Variants in C9 observed in about 807,000 individuals in gnomAD.
The protein encoded by C9 is complement component C9.
A neutral mutation model predicts 65.4 loss-of-function variants in C9; 63 were observed. The observed-to-expected ratio is 0.96, with a 90% CI of 0.79 to 1.19. The LOEUF is 1.19. Ranked by LOEUF, C9 falls within the 50% of genes most tolerant of loss-of-function variation. The pLI, the probability that C9 is intolerant of heterozygous loss-of-function variation, is 0.00. For missense variants in C9, 744 were observed against 670.1 expected (o/e 1.11, Z -1.22); for synonymous variants, 229 against 227.9 (o/e 1.00, Z -0.04).
intron 5 of C9, among the ~76,000 whole-genome samples, chr5:39,316,714 A>G (rs745569574): frequency 4.3e-4 from 65 of 152,122 alleles, no homozygotes; most frequent in Admixed American, 9.8e-4. Context: ...TCCATGGTGT[A>G]TATGTACCAC....
intron 10 of C9, 109 bp downstream of exon 10, chr5:39,288,614 T>G (rs1753033637): frequency 1.5e-6 from 1 of 688,700 alleles, no homozygotes; most frequent in South Asian, 1.6e-5. Flanking sequence ...TCTGTTTATA[T>G]AAATAATCTA....
chr5:39,307,296 A>C (rs1280742841), intron 8 of C9, among the ~76,000 whole-genome samples: 1 of 152,180 alleles, frequency 6.6e-6, no homozygotes, highest in Non-Finnish European at 1.5e-5. Flanking sequence ...AGCCACTTTT[A>C]ACAAAACTTT....
At chr5:39,295,421 G>C (rs537636792) in intron 9 of C9, among the ~76,000 whole-genome samples, 156 of 151,200 alleles carry the variant, frequency 1.0e-3, no homozygotes, top group Non-Finnish European at 1.9e-3. Context: ...CAACAAACTA[G>C]GCCAAAAAAG....
chr5:39,285,108 A>G lies in C9; in HGVS notation c.*91T>C. The G allele has an allele frequency of 2.0e-6, 2 of 1,022,546 alleles. No homozygotes were observed. The highest frequency in any genetic ancestry group is 3.1e-6 in the Non-Finnish European group (2 of 641,038). 63.3% of individuals were successfully genotyped at this position (1,022,546 alleles called of 1,614,324 possible). ...TAGGATTTTCATGAAGCATGTTGCTATTTACTTGGCAGCTAAGATTATCTT... is the reference window on the plus strand; with the variant it reads ...TAGGATTTTCATGAAGCATGTTGCTGTTTACTTGGCAGCTAAGATTATCTT... On this transcript the variant is annotated 3_prime_UTR_variant, in exon 11 of 11. Transcript: ENST00000263408.
intron 5 of C9, among the ~76,000 whole-genome samples, chr5:39,327,546 A>G (rs1397784735): frequency 6.6e-6 from 1 of 152,186 alleles, no homozygotes; most frequent in Non-Finnish European, 1.5e-5. Flanking sequence ...GACTAGGTTG[A>G]TATTATTTCC....
chr5:39,290,698 TG>T (rs757935625), intron 9 of C9, among the ~76,000 whole-genome samples: 1 of 151,684 alleles, frequency 6.6e-6, no homozygotes, highest in Non-Finnish European at 1.5e-5. Flanking sequence ...ATCCAAGAGG[TG>T]GGCCCAGTAT....
chr5:39,300,528 A>G (rs1753260731), intron 9 of C9, among the ~76,000 whole-genome samples: 1 of 152,152 alleles, frequency 6.6e-6, no homozygotes. Context: ...ACACAAACAA[A>G]TTGAGAAAAA....
At chr5:39,331,973 G>A (rs1442900456) in intron 4 of C9, among the ~76,000 whole-genome samples, 159 bp from the exon 5 acceptor site, 2 of 152,176 alleles carry the variant, frequency 1.3e-5, no homozygotes, top group African/African-American at 4.8e-5. Flanking sequence ...TGTTCACCTT[G>A]GCTCAGTGTC....
chr5:39,285,106 C>G lies in C9; in HGVS notation c.*93G>C. 1 of 989,008 alleles carries G rather than the reference C, an allele frequency of 1.0e-6. No individual in the cohort carries two copies. Among genetic ancestry groups the G allele is most frequent in the Middle Eastern group, 2.1e-4 (1 of 4,668 alleles). The allele number at this position is 989,008 out of a possible 1,614,324, so 61.3% of individuals were successfully genotyped here. ...GGTAGGATTTTCATGAAGCATGTTG[C>G]TATTTACTTGGCAGCTAAGATTATC... On this transcript the variant is annotated 3_prime_UTR_variant, in exon 11 of 11. Coordinates refer to ENST00000263408, the MANE Select transcript of C9 (RefSeq NM_001737.5).
At chr5:39,333,323 A>T (rs1389615694) in intron 4 of C9, among the ~76,000 whole-genome samples, 1 of 152,140 alleles carries the variant, frequency 6.6e-6, no homozygotes, top group Non-Finnish European at 1.5e-5. Context: ...AATGGCATGT[A>T]GTTGAGAGTG....
intron 4 of C9, among the ~76,000 whole-genome samples, chr5:39,340,184 CCACCTACCAAGTATTTACTGAG>C (rs138088935): frequency 8.6e-4 from 131 of 152,236 alleles, no homozygotes; most frequent in African/African-American, 3.1e-3. Flanking sequence ...GCCAATGTAT[CCACCTACCAAGTATTTACTGAG>C]CACCTACTAT....
chr5:39,356,339 CA>C (rs1754412926), intron 1 of C9, among the ~76,000 whole-genome samples: 1 of 152,180 alleles, frequency 6.6e-6, no homozygotes, highest in Admixed American at 6.5e-5. Flanking sequence ...CTTTTTCCCC[CA>C]AACCTAAATC....
chr5:39,362,270 G>A (rs1754535110), intron 1 of C9, among the ~76,000 whole-genome samples: 1 of 152,150 alleles, frequency 6.6e-6, no homozygotes. Context: ...GACATCGTTA[G>A]GGTGGGCCCT....
intron 9 of C9, among the ~76,000 whole-genome samples, chr5:39,295,850 A>G (rs1753176985): frequency 6.6e-6 from 1 of 151,824 alleles, no homozygotes; most frequent in African/African-American, 2.4e-5. Context: ...AAGCAAATGG[A>G]ACAGAACAGA....
chr5:39,344,139 G>T (rs975106467), intron 1 of C9, among the ~76,000 whole-genome samples: 1 of 152,202 alleles, frequency 6.6e-6, no homozygotes, highest in Non-Finnish European at 1.5e-5. Flanking sequence ...AAGGAACACA[G>T]CTCCTCACCA....
chr5:39,338,844 G>A (rs1754016640), intron 4 of C9, among the ~76,000 whole-genome samples: 1 of 152,134 alleles, frequency 6.6e-6, no homozygotes, highest in African/African-American at 2.4e-5. Context: ...TCTGACAAAT[G>A]CTATGCAACA....
In C9 at chr5:39,357,995, C is replaced by T. The variant is rs114279266; in HGVS notation, c.77+6393G>A. ...AGAGAGAGAGATATTCCTAAAGACA[C>T]CCAGTTGTTCAGCTCCCCAGCTGAT... On this transcript the variant is annotated intron_variant, in intron 1 of 10. Transcript: ENST00000263408. 7.1e-3 allele frequency among the ~76,000 whole-genome samples: 1,087 copies of T among 152,176 alleles called. 7 individuals carry two copies. The highest frequency in any genetic ancestry group is 0.025 in the African/African-American group (1,035 of 41,504).
At position 39,306,698 on chromosome 5, in the gene C9, GAGA is replaced by G; in HGVS notation, c.1332_1334del (p.Leu445del). ...CAGTCACATCAATCACGGTTCCTCG[GAGA>G]AGCTTTTCTTTCAGTTCAAATGCAT... is the stretch of plus-strand genomic sequence containing the variant. On this transcript the variant is annotated inframe_deletion, in exon 9 of 11. Coordinates refer to ENST00000263408, the MANE Select transcript of C9 (RefSeq NM_001737.5). The G allele has an allele frequency of 6.2e-7, 1 of 1,613,438 alleles. No individual in the cohort carries two copies. The highest frequency in any genetic ancestry group is 8.5e-7 in the Non-Finnish European group (1 of 1,179,450).
intron 6 of C9, among the ~76,000 whole-genome samples, chr5:39,314,008 C>T (rs989990027): frequency 6.6e-6 from 1 of 152,176 alleles, no homozygotes; most frequent in Admixed American, 6.5e-5. Context: ...ATTGTCCTAT[C>T]TGAACTACCA....
Sources: allele counts gnomAD v4.1 joint callset (sites outside exome capture counted in the v4.1 genomes callset), GRCh38; gene constraint gnomAD v4.1.1; transcripts MANE v1.5; gene names NCBI Gene and HGNC (gene_info 2026-07-23, HGNC 2026-07-21).